Variants in SAMD14 observed in about 807,000 individuals in gnomAD.
SAMD14 encodes sterile alpha motif domain containing 14, also known as sterile alpha motif domain-containing protein 14.
Under a neutral mutation model 46.2 loss-of-function variants are expected in SAMD14, and 27 were observed. The ratio of observed to expected loss-of-function variants is 0.58; its 90% CI spans 0.43 to 0.81. SAMD14 has a LOEUF of 0.81. Among genes scored for constraint, SAMD14 ranks in the 30% least tolerant of loss-of-function variants. SAMD14 has a pLI of 0.00. For missense variants in SAMD14, 559 were observed against 582.2 expected, an observed-to-expected ratio of 0.96 and a Z score of 0.41; for synonymous variants, 241 against 254.3, an observed-to-expected ratio of 0.95 and a Z score of 0.50.
chr17:50,125,855 C>T (rs538770746), intron 1 of SAMD14, among the ~76,000 whole-genome samples: 2 of 152,306 alleles, frequency 1.3e-5, no homozygotes, highest in South Asian at 4.1e-4. Flanking sequence ...AATGGACAGC[C>T]AAACCTCTAT....
At position 50,114,011 on chromosome 17, in the gene SAMD14, G is replaced by T. The variant is rs1911024920; in HGVS notation, c.1011C>A (p.Ser337Arg). Residue 337 changes from serine (S) to arginine (R), a missense_variant, in exon 9 of 10, where the codon AGC becomes AGA. Coordinates refer to ENST00000330175, the MANE Select transcript of SAMD14 (RefSeq NM_001257359.2). ...TSQQVGQWLQ[S>R]LNLEQYAAEF... ...CAGCAGCATACTGTTCCAGGTTGAG[G>T]CTCTGCAGCCACTGGCCCACCTGCT... The T allele has an allele frequency of 6.2e-7, 1 of 1,613,520 alleles. No homozygotes were observed. Among genetic ancestry groups the T allele is most frequent in the African/African-American group, 1.3e-5 (1 of 74,932 alleles).
Position 50,115,917 on chromosome 17 carries a change from A to AGCAGGAAGTGGG in SAMD14, c.588-25_588-14dup, listed in dbSNP as rs1567719252. The AGCAGGAAGTGGG allele has an allele frequency of 6.2e-7, 1 of 1,613,058 alleles. No individual in the cohort carries two copies. Among genetic ancestry groups the AGCAGGAAGTGGG allele is most frequent in the Admixed American group, 1.7e-5 (1 of 59,900 alleles). On this transcript the variant is annotated splice_polypyrimidine_tract_variant and intron_variant, in intron 5 of 9. Transcript: ENST00000330175. The surrounding 1 kb of genome is among the most constrained non-coding windows in gnomAD (Gnocchi z 5.3). Reference sequence around the variant, plus strand: ...GCGCAGGGTGACCCTGTGGGGAGGCAGCAGGAAGTGGGGCAGGGCTGCCCA... The same window carrying AGCAGGAAGTGGG: ...GCGCAGGGTGACCCTGTGGGGAGGCAGCAGGAAGTGGGGCAGGAAGTGGGGCAGGGCTGCCCA...
rs1332994201 is a variant in SAMD14 at position 50,115,280 on chromosome 17, G to A, written c.822+284C>T. ...AGGCAGAAGAGTTAGCAGGAATGAA[G>A]GAAGTCTCCAGCTGGGTGAACAGTA... is the stretch of plus-strand genomic sequence containing the variant. On this transcript the variant is annotated intron_variant, in intron 7 of 9. Transcript: ENST00000330175. This position sits in a 1 kb window ranked among gnomAD's most constrained non-coding sequence, Gnocchi z 5.3. Among the ~76,000 whole-genome samples the A allele has an allele frequency of 2.0e-5, 3 of 152,206 alleles. No homozygotes were observed. Among genetic ancestry groups the A allele is most frequent in the Non-Finnish European group, 4.4e-5 (3 of 68,042 alleles).
chr17:50,112,771 C>A lies in SAMD14; in HGVS notation c.*122G>T. ...GACAGGGTAAGAGAGAGCATGTCCC[C>A]CCTGAGAGCGTGGGACCAGGCTAGC... is the stretch of plus-strand genomic sequence containing the variant. On this transcript the variant is annotated 3_prime_UTR_variant, in exon 10 of 10. Transcript: ENST00000330175. The A allele has an allele frequency of 8.6e-7, 1 of 1,162,142 alleles. No homozygotes were observed. The highest frequency in any genetic ancestry group is 1.2e-6 in the Non-Finnish European group (1 of 833,528). 72.0% of individuals were successfully genotyped at this position (1,162,142 alleles called of 1,614,324 possible). A position where few individuals can be genotyped will look rare whatever the true frequency, so the allele number is the denominator to read the frequency against.
In SAMD14 at chr17:50,114,265, G is replaced by C; in HGVS notation, c.864C>G (p.Ser288Arg). ...LSDDSTPPSS[S>R]PKIPSGPWQE... ...GCCAGGGCCCACTGGGGATCTTGGG[G>C]CTGCTGCTGGGGGGCGTGGAGTCAT... The change falls in exon 8 of 10, where the codon AGC becomes AGG. Residue 288 changes from serine (S) to arginine (R), a missense_variant. Physicochemically the swap from Ser to Arg is moderately radical, Grantham distance 110. Transcript: ENST00000330175. The C allele has an allele frequency of 6.2e-7, 1 of 1,613,804 alleles. No individual in the cohort carries two copies.
At chr17:50,125,051 GAAGGCTACCTGCTCCA>G in intron 1 of SAMD14, 80 bp from the exon 2 acceptor site, 1 of 1,290,878 alleles carries the variant, frequency 7.7e-7, no homozygotes, top group Non-Finnish European at 1.1e-6. Context: ...AAGAGATGTG[GAAGGCTACCTGCTCCA>G]GGCCTGTTGG....
At position 50,118,266 on chromosome 17, in the gene SAMD14, G is replaced by C; in HGVS notation, c.105C>G (p.Ala35=). 4 of 1,613,992 alleles carry C rather than the reference G, an allele frequency of 2.5e-6. No homozygotes were observed. Among genetic ancestry groups the C allele is most frequent in the Non-Finnish European group, 3.4e-6 (4 of 1,180,016 alleles). Residue 35 remains alanine (A), a synonymous_variant, in exon 3 of 10, where the codon GCC becomes GCG. Transcript: ENST00000330175. ...RLDSSLHKAR[A]QLLAKGRRHR... ...GTCTCCGGCCCTTGGCCAACAGTTG[G>C]GCCCGGGCCTTGTGTAAACTGCTGT...
At position 50,115,441 on chromosome 17, in the gene SAMD14, G is replaced by T; in HGVS notation, c.822+123C>A. 1 of 1,021,470 alleles carries T rather than the reference G, an allele frequency of 9.8e-7. No homozygotes were observed. The highest frequency in any genetic ancestry group is 1.4e-6 in the Non-Finnish European group (1 of 710,276). 63.3% of individuals were successfully genotyped at this position (1,021,470 alleles called of 1,614,324 possible). A position where few individuals can be genotyped will look rare whatever the true frequency, so the allele number is the denominator to read the frequency against. ...GCATGAAGTAACGGATCACTGCATGGCTCCATGGATGGACAAATTGATTCC... is the reference window on the plus strand; with the variant it reads ...GCATGAAGTAACGGATCACTGCATGTCTCCATGGATGGACAAATTGATTCC... On this transcript the variant is annotated intron_variant, in intron 7 of 9. Coordinates refer to ENST00000330175, the MANE Select transcript of SAMD14 (RefSeq NM_001257359.2). The surrounding 1 kb of genome is among the most constrained non-coding windows in gnomAD (Gnocchi z 5.3).
At chr17:50,114,373 G>A (rs1911064062) in intron 7 of SAMD14, 67 bp from the exon 8 acceptor site, 9 of 1,613,976 alleles carry the variant, frequency 5.6e-6, no homozygotes, top group Non-Finnish European at 7.6e-6. Flanking sequence ...TATCTGGGTG[G>A]AGCCGAAGTC....
chr17:50,118,639 G>GGGTA (rs376309740), intron 2 of SAMD14, among the ~76,000 whole-genome samples: 44 of 152,300 alleles, frequency 2.9e-4, no homozygotes, highest in African/African-American at 1.0e-3. Flanking sequence ...TTTAACGTCT[G>GGGTA]GGTAGGAGTC....
Position 50,113,987 on chromosome 17 carries a change from A to G in SAMD14, c.1035T>C (p.Ala345=). ...CGTCTACCTGCCGTGCAGCAAACTC[A>G]GCAGCATACTGTTCCAGGTTGAGGC... ...LQSLNLEQYA[A]EFAARQVDGP... Residue 345 remains alanine (A), a synonymous_variant, in exon 9 of 10, where the codon GCT becomes GCC. Transcript: ENST00000330175. 6.2e-7 allele frequency: 1 copy of G among 1,613,734 alleles called. No individual in the cohort carries two copies. Among genetic ancestry groups the G allele is most frequent in the Non-Finnish European group, 8.5e-7 (1 of 1,180,036 alleles).
intron 2 of SAMD14, among the ~76,000 whole-genome samples, chr17:50,120,197 T>C (rs1421295430): frequency 6.6e-6 from 1 of 152,242 alleles, no homozygotes; most frequent in East Asian, 1.9e-4. Flanking sequence ...CACTTTGCTG[T>C]AATCTCTAAT....
chr17:50,128,663 T>C (rs1911892802), intron 1 of SAMD14, among the ~76,000 whole-genome samples: 1 of 151,998 alleles, frequency 6.6e-6, no homozygotes, highest in South Asian at 2.1e-4. Context: ...TCACAGCCTC[T>C]TGGGACCCAG....
At chr17:50,125,212 C>T (rs2144416539) in intron 1 of SAMD14, 1 of 504,638 alleles carries the variant, frequency 2.0e-6, no homozygotes, top group South Asian at 2.2e-5. Context: ...GGCACAGACA[C>T]AGGCTGAGCC....
At position 50,111,399 on chromosome 17, in the gene SAMD14, G is replaced by T. The variant is rs1910833418; in HGVS notation, c.*1494C>A. On this transcript the variant is annotated 3_prime_UTR_variant, in exon 10 of 10. Coordinates refer to ENST00000330175, the MANE Select transcript of SAMD14 (RefSeq NM_001257359.2). ...CAGGTGGGCACCCACTATAGCTACT[G>T]ATGGCTTTAAGGATGTGGGTGCCTT... is the stretch of plus-strand genomic sequence containing the variant. 1 of 152,250 alleles carries T rather than the reference G, an allele frequency of 6.6e-6. No individual in the cohort carries two copies. The highest frequency in any genetic ancestry group is 6.5e-5 in the Admixed American group (1 of 15,286). The allele number at this position is 152,250 out of a possible 1,614,324, so 9.4% of individuals were successfully genotyped here.
At position 50,115,675 on chromosome 17, in the gene SAMD14, A is replaced by G. The variant is rs767746557; in HGVS notation, c.711T>C (p.Pro237=). Residue 237 remains proline (P), a synonymous_variant, in exon 7 of 10, where the codon CCT becomes CCC. Coordinates refer to ENST00000330175, the MANE Select transcript of SAMD14 (RefSeq NM_001257359.2). The surrounding 1 kb of genome is among the most constrained non-coding windows in gnomAD (Gnocchi z 5.3). Reference sequence around the variant, plus strand: ...TGCCGCTGTCCGTGAACCAGGAAAAAGGCAGGAACGGGGAGCCCCCTGACC... The same window carrying G: ...TGCCGCTGTCCGTGAACCAGGAAAAGGGCAGGAACGGGGAGCCCCCTGACC... ...SGRSGGSPFL[P]FSWFTDSGKG... 1 of 1,608,010 alleles carries G rather than the reference A, an allele frequency of 6.2e-7. No individual in the cohort carries two copies. Among genetic ancestry groups the G allele is most frequent in the East Asian group, 2.2e-5 (1 of 44,762 alleles).
chr17:50,115,398 C>A lies in SAMD14; in HGVS notation c.822+166G>T, dbSNP rs187941457. On this transcript the variant is annotated intron_variant, in intron 7 of 9. Transcript: ENST00000330175. This position sits in a 1 kb window ranked among gnomAD's most constrained non-coding sequence, Gnocchi z 5.3. ...GAATATGAAGGAGTGGAAGAGTGAA[C>A]GAATGAATTCAGAGAATGCATGAAG... 6.6e-6 allele frequency among the ~76,000 whole-genome samples: 1 copy of A among 152,186 alleles called. No individual in the cohort carries two copies. Among genetic ancestry groups the A allele is most frequent in the Admixed American group, 6.5e-5 (1 of 15,282 alleles).
rs1911183559 is a variant in SAMD14, at chr17:50,116,050, G to A, written c.540C>T (p.Pro180=). 6.2e-7 allele frequency: 1 copy of A among 1,613,932 alleles called. No individual in the cohort carries two copies. ...RDASPPEPAS[P]TIGLDKKTRR... is the part of the protein sequence containing the mutation. ...GAGTCTTCTTATCGAGGCCGATGGT[G>A]GGGCTGGCGGGCTCAGGAGGACTGG... The change falls in exon 5 of 10, where the codon CCC becomes CCT. Residue 180 remains proline (P), a synonymous_variant. Transcript: ENST00000330175.
intron 4 of SAMD14, 100 bp from the exon 5 acceptor site, chr17:50,116,190 AGGCATCCTGGCTCT>A: frequency 6.7e-7 from 1 of 1,485,684 alleles, no homozygotes; most frequent in Non-Finnish European, 8.9e-7. Context: ...ACTTAGAATC[AGGCATCCTGGCTCT>A]GGTGGCCTTC....
Sources: allele counts gnomAD v4.1 joint callset (sites outside exome capture counted in the v4.1 genomes callset), GRCh38; gene constraint gnomAD v4.1.1; non-coding constraint Gnocchi (gnomAD v3.1); transcripts MANE v1.5; gene names NCBI Gene and HGNC (gene_info 2026-07-23, HGNC 2026-07-21).